Variants in CTBP2 observed in about 807,000 individuals in gnomAD.
CTBP2 encodes C-terminal binding protein 2, also known as C-terminal-binding protein 2.
Under a neutral mutation model 80.3 loss-of-function variants are expected in CTBP2, and 30 were observed. That is an observed-to-expected ratio of 0.37 (90% CI 0.28 to 0.51). The LOEUF is 0.51. Among genes scored for constraint, CTBP2 ranks in the 20% least tolerant of loss-of-function variants. The pLI, the probability that CTBP2 is intolerant of heterozygous loss-of-function variation, is 0.93. For synonymous variants in CTBP2, 594 were observed against 587.4 expected, an observed-to-expected ratio of 1.01 and a Z score of -0.16; for missense variants, 1,212 against 1,375.3, an observed-to-expected ratio of 0.88 and a Z score of 1.88.
chr10:125,013,527 C>T (rs185372138), intron 1 of CTBP2, among the ~76,000 whole-genome samples: 52 of 152,260 alleles, frequency 3.4e-4, no homozygotes, highest in African/African-American at 1.1e-3. Context: ...TTTCTGGTAA[C>T]AAAGGGATGG....
chr10:125,145,304 C>CG (rs1180888661), intron 1 of CTBP2, among the ~76,000 whole-genome samples: 1 of 152,050 alleles, frequency 6.6e-6, no homozygotes, highest in Non-Finnish European at 1.5e-5. Flanking sequence ...TCCATCGGGA[C>CG]GAAGGGTGGG....
chr10:125,084,125 G>A (rs1847612392), intron 2 of CTBP2, among the ~76,000 whole-genome samples: 1 of 152,002 alleles, frequency 6.6e-6, no homozygotes, highest in South Asian at 2.1e-4. Flanking sequence ...AGCCCACTAT[G>A]TTATTTTATT....
rs373301616 is a variant in CTBP2, at chr10:125,009,236, C to T, written c.1679-5744G>A. On this transcript the variant is annotated intron_variant, in intron 1 of 8. Coordinates refer to ENST00000309035, the MANE Select transcript of CTBP2 (RefSeq NM_022802.3). ...TTCAAGTGCTATTTCTTTATGGCAC[C>T]GGGGAACGAGCATTCCAAACAGAGC... Among the ~76,000 whole-genome samples the T allele has an allele frequency of 9.1e-4, 138 of 152,264 alleles. No homozygotes were observed. The Middle Eastern group carries it at 0.014, about 15-fold the overall frequency.
In CTBP2 at chr10:124,989,318, A is replaced by C. The variant is rs1952261986; in HGVS notation, c.*200T>G. On this transcript the variant is annotated 3_prime_UTR_variant, in exon 9 of 9. Transcript: ENST00000309035. ...CAGAAGTTGGTCGTTAATAAATCAC[A>C]TCCTAGTCTTTCAGCGCTTCCGTAA... is the stretch of plus-strand genomic sequence containing the variant. 1 of 616,354 alleles carries C rather than the reference A, an allele frequency of 1.6e-6. No homozygotes were observed. Among genetic ancestry groups the C allele is most frequent in the Non-Finnish European group, 2.9e-6 (1 of 348,656 alleles). 38.2% of individuals were successfully genotyped at this position (616,354 alleles called of 1,614,324 possible).
At chr10:125,144,559 T>G (rs1342776138) in intron 1 of CTBP2, among the ~76,000 whole-genome samples, 3 of 152,120 alleles carry the variant, frequency 2.0e-5, no homozygotes, top group Non-Finnish European at 4.4e-5. Flanking sequence ...ACAAAACGAG[T>G]TCACTCTCAG....
At chr10:124,989,790 G>A in intron 8 of CTBP2, 92 bp from the exon 11 acceptor site, 1 of 1,248,250 alleles carries the variant, frequency 8.0e-7, no homozygotes, top group South Asian at 1.6e-5. Context: ...ATAAGAGACA[G>A]GAGCCCAGTG....
chr10:125,090,769 T>A (rs1214596091), intron 2 of CTBP2, among the ~76,000 whole-genome samples: 3 of 150,742 alleles, frequency 2.0e-5, no homozygotes, highest in African/African-American at 7.4e-5. Context: ...AAAAAATAAA[T>A]AAATAACAAA....
intron 1 of CTBP2, chr10:125,005,799 C>T (rs371151928): frequency 2.5e-6 from 4 of 1,611,710 alleles, no homozygotes; most frequent in Non-Finnish European, 3.4e-6. Flanking sequence ...CCTGGAAGTC[C>T]TGGTCTCATG....
In CTBP2 at chr10:125,039,203, A is replaced by G. The variant is rs929635384; in HGVS notation, c.-101-48T>C. The G allele has an allele frequency of 4.8e-6, 3 of 629,680 alleles. No individual in the cohort carries two copies. In the African/African-American group the frequency reaches 5.6e-5, roughly 12 times the overall value. The allele number at this position is 629,680 out of a possible 1,614,324, so 39.0% of individuals were successfully genotyped here. ...CTTACTCTCTGGAGACCCTCTGGGC[A>G]CAGGACAACAGCTCACTGGGGACTT... On this transcript the variant is annotated intron_variant, in intron 2 of 10. Coordinates refer to the CTBP2 transcript ENST00000337195.
At chr10:125,151,981 C>T (rs923084328) in intron 1 of CTBP2, among the ~76,000 whole-genome samples, 2 of 152,122 alleles carry the variant, frequency 1.3e-5, no homozygotes, top group Non-Finnish European at 2.9e-5. Context: ...GGAAGCGGCT[C>T]CATTTACAAG....
chr10:125,106,194 G>C (rs1462348902), intron 2 of CTBP2, among the ~76,000 whole-genome samples: 3 of 152,088 alleles, frequency 2.0e-5, no homozygotes, highest in Non-Finnish European at 2.9e-5. Context: ...TCAGCGGAAA[G>C]ATGCACCCCA....
In CTBP2 at chr10:124,986,266, AGAC is replaced by A. The variant is rs1184370411; in HGVS notation, c.*3249_*3251del. ...TATTGATGTGGCCAGGAATTTGGAA[AGAC>A]GACACACGCACGCGCGCGCGCGCAC... On this transcript the variant is annotated 3_prime_UTR_variant, in exon 9 of 9. Coordinates refer to ENST00000309035, the MANE Select transcript of CTBP2 (RefSeq NM_022802.3). 2.2e-5 allele frequency: 3 copies of A among 138,534 alleles called. No homozygotes were observed. The highest frequency in any genetic ancestry group is 3.1e-5 in the Non-Finnish European group (2 of 63,676). The allele number at this position is 138,534 out of a possible 1,614,324, so 8.6% of individuals were successfully genotyped here.
At chr10:125,001,037 C>T (rs979494614) in intron 3 of CTBP2, 22 of 152,334 alleles carry the variant, frequency 1.4e-4, no homozygotes, top group African/African-American at 5.3e-4. Flanking sequence ...AGTCCCTGGT[C>T]CTGGTCGTCT....
chr10:125,005,551 C>T, intron 1 of CTBP2: 1 of 1,609,894 alleles, frequency 6.2e-7, no homozygotes, highest in Non-Finnish European at 8.5e-7. Flanking sequence ...CCTCACCAGC[C>T]CACGACCTGT....
intron 3 of CTBP2, among the ~76,000 whole-genome samples, chr10:125,033,989 A>T (rs1958553698): frequency 1.3e-5 from 2 of 152,144 alleles, no homozygotes. Context: ...CCCAAACCCC[A>T]GCCACAGACT....
At chr10:125,057,324 C>G (rs1964138398) in intron 2 of CTBP2, among the ~76,000 whole-genome samples, 1 of 152,184 alleles carries the variant, frequency 6.6e-6, no homozygotes, top group South Asian at 2.1e-4. Context: ...CAGCACTCCT[C>G]GAAAGAGAGA....
At position 125,027,762 on chromosome 10, in the gene CTBP2, GA is replaced by G. The variant is rs754595601; in HGVS notation, c.-4del. On this transcript the variant is annotated 5_prime_UTR_variant, in exon 1 of 9. Coordinates refer to ENST00000309035, the MANE Select transcript of CTBP2 (RefSeq NM_022802.3). Reference sequence around the variant, plus strand: ...ATATGCCTGCTGGGAACTGGCATTGGAAAAAAAATGACTGCGGATGAGGCAG... The same window carrying G: ...ATATGCCTGCTGGGAACTGGCATTGGAAAAAAATGACTGCGGATGAGGCAG... 47 of 1,558,228 alleles carry G rather than the reference GA, an allele frequency of 3.0e-5. No homozygotes were observed. Among genetic ancestry groups the G allele is most frequent in the Admixed American group, 7.7e-5 (4 of 52,278 alleles).
upstream of CTBP2, among the ~76,000 whole-genome samples, chr10:125,030,741 G>A (rs1357402242): frequency 1.3e-5 from 2 of 152,274 alleles, no homozygotes; most frequent in South Asian, 2.1e-4. Flanking sequence ...GTTGTCACCC[G>A]CCCACTTGGT....
At chr10:124,993,126 A>C in intron 7 of CTBP2, 76 bp downstream of exon 9, 2 of 1,519,290 alleles carry the variant, frequency 1.3e-6, no homozygotes, top group Non-Finnish European at 1.8e-6. Context: ...AGCTGCCTGT[A>C]GCCAGCAGGA....
Sources: allele counts gnomAD v4.1 joint callset (sites outside exome capture counted in the v4.1 genomes callset), GRCh38; gene constraint gnomAD v4.1.1; transcripts MANE v1.5; gene names NCBI Gene and HGNC (gene_info 2026-07-23, HGNC 2026-07-21).